Variants in KIAA2012 observed in about 807,000 individuals in gnomAD.
KIAA2012 encodes KIAA2012.
In KIAA2012, 125 loss-of-function variants were observed where a neutral mutation model predicts 150.6. That is an observed-to-expected ratio of 0.83 (90% CI 0.72 to 0.96). The LOEUF is 0.96. Ranked by LOEUF, KIAA2012 falls within the 40% of genes least tolerant of loss-of-function variation. The probability of loss-of-function intolerance (pLI) is 0.00; values close to 1 mark genes in which losing one functional copy is unlikely to be tolerated. For missense variants in KIAA2012, 1,219 were observed against 1,354.9 expected (o/e 0.90, Z 1.57); for synonymous variants, 462 against 504.7 (o/e 0.92, Z 1.13).
chr2:202,103,734 T>C (rs1269379834), intron 8 of KIAA2012, among the ~76,000 whole-genome samples: 1 of 152,250 alleles, frequency 6.6e-6, no homozygotes, highest in Admixed American at 6.5e-5. Flanking sequence ...AGAGATTATG[T>C]GCTTCTAAGC....
chr2:202,190,532 G>A (rs1692310533), intron 19 of KIAA2012, 39 bp downstream of exon 19: 1 of 1,425,054 alleles, frequency 7.0e-7, no homozygotes, highest in South Asian at 1.5e-5. Context: ...AGGAAGTTCT[G>A]TTCTCACTTG....
chr2:202,078,193 T>C (rs190366239), intron 2 of KIAA2012, among the ~76,000 whole-genome samples: 1 of 152,370 alleles, frequency 6.6e-6, no homozygotes, highest in East Asian at 1.9e-4. Flanking sequence ...CAATGGAACA[T>C]TGATCAAATG....
intron 9 of KIAA2012, among the ~76,000 whole-genome samples, chr2:202,107,089 G>A (rs1690215701): frequency 1.3e-5 from 2 of 152,152 alleles, no homozygotes; most frequent in African/African-American, 4.8e-5. Context: ...TGAGAGATAG[G>A]TAGTATGTTT....
At chr2:202,084,918 A>G (rs1689528428) in intron 2 of KIAA2012, among the ~76,000 whole-genome samples, 1 of 152,086 alleles carries the variant, frequency 6.6e-6, no homozygotes, top group Non-Finnish European at 1.5e-5. Context: ...TTTTTCATCT[A>G]TTTTCTTCCA....
intron 13 of KIAA2012, among the ~76,000 whole-genome samples, chr2:202,139,792 G>A (rs1197001211): frequency 3.9e-5 from 6 of 152,186 alleles, no homozygotes; most frequent in Admixed American, 2.6e-4. Context: ...TTGAAAGAGT[G>A]TGTGACTAAG....
At chr2:202,183,476 A>ATTTTTTTTT (rs71406950) in intron 15 of KIAA2012, among the ~76,000 whole-genome samples, 1 of 95,830 alleles carries the variant, frequency 1.0e-5, no homozygotes, top group African/African-American at 4.1e-5. Flanking sequence ...GGTTTTTTAA[A>ATTTTTTTTT]TTTTTTTTTT....
At position 202,188,247 on chromosome 2, in the gene KIAA2012, G is replaced by C. The variant is rs1282293793; in HGVS notation, c.2472G>C (p.Gly824=). ...GCGAGAGAGAAGGAAAGGTCTACGG[G>C]CAAGCAGAGGCTGCCATTGGTAAGA... ...PKSEREGKVY[G]QAEAAIGKSK... Residue 824 remains glycine, a synonymous_variant, in exon 18 of 24, where the codon GGG becomes GGC. Transcript: ENST00000498697. 1.3e-6 allele frequency: 2 copies of C among 1,549,916 alleles called. No homozygotes were observed. The highest frequency in any genetic ancestry group is 2.7e-5 in the African/African-American group (2 of 73,004).
At chr2:202,161,040 C>T (rs372113944) in intron 14 of KIAA2012, among the ~76,000 whole-genome samples, 1 of 152,122 alleles carries the variant, frequency 6.6e-6, no homozygotes, top group African/African-American at 2.4e-5. Flanking sequence ...GGCAGGATGG[C>T]TGGAAGGTTT....
At position 202,201,473 on chromosome 2, in the gene KIAA2012, C is replaced by A. The variant is rs187012434; in HGVS notation, c.3408-956C>A. 6 of 1,598,272 alleles carry A rather than the reference C, an allele frequency of 3.8e-6. No homozygotes were observed. In the African/African-American group the frequency reaches 8.0e-5, roughly 21 times the overall value. On this transcript the variant is annotated intron_variant, in intron 22 of 23. Transcript: ENST00000498697. ...CATTGGCTGCCTGCATGACTGCAAG[C>A]TGAGCAGCACTGGGAGGGCATCCAG...
intron 15 of KIAA2012, chr2:202,179,745 A>G (rs1453256652): frequency 3.1e-6 from 2 of 647,632 alleles, no homozygotes; most frequent in African/African-American, 3.6e-5. Context: ...AGTCAGATCC[A>G]TCTGGAGCTT....
At chr2:202,095,983 C>G in intron 4 of KIAA2012, among the ~76,000 whole-genome samples, 1 of 152,140 alleles carries the variant, frequency 6.6e-6, no homozygotes, top group Non-Finnish European at 1.5e-5. Context: ...ACTCGGGAGG[C>G]TGAGGCAGGA....
chr2:202,173,359 T>C (rs76719610), intron 15 of KIAA2012, among the ~76,000 whole-genome samples: 7,190 of 152,190 alleles, frequency 0.047, 573 homozygotes, highest in African/African-American at 0.16. Context: ...CACCTGAGGC[T>C]GGGACTTCGA....
intron 13 of KIAA2012, among the ~76,000 whole-genome samples, chr2:202,143,061 C>T (rs569847050): frequency 6.9e-6 from 1 of 144,176 alleles, no homozygotes; most frequent in Admixed American, 7.5e-5. Context: ...CTCCAATTGA[C>T]AACCACTGGT....
At chr2:202,179,272 G>A in intron 15 of KIAA2012, 1 of 1,123,778 alleles carries the variant, frequency 8.9e-7, no homozygotes, top group East Asian at 2.8e-5. Flanking sequence ...GTACATACTT[G>A]TGCTTTGGCT....
In KIAA2012 at chr2:202,075,291, C is replaced by T. The variant is rs1689302806; in HGVS notation, c.369+116C>T. 3 of 1,154,978 alleles carry T rather than the reference C, an allele frequency of 2.6e-6. No individual in the cohort carries two copies. The South Asian group carries it at 5.0e-5, about 19-fold the overall frequency. 71.5% of individuals were successfully genotyped at this position (1,154,978 alleles called of 1,614,324 possible). A position where few individuals can be genotyped will look rare whatever the true frequency, so the allele number is the denominator to read the frequency against. ...GGGAAGGTATGAAACTCTCAGAACT[C>T]TATTTCTTCATCTCTAAAATGAGAT... On this transcript the variant is annotated intron_variant, in intron 2 of 23. Transcript: ENST00000498697.
intron 22 of KIAA2012, chr2:202,201,395 G>C: frequency 6.3e-7 from 1 of 1,585,536 alleles, no homozygotes; most frequent in Non-Finnish European, 8.7e-7. Context: ...AGATGGTGTA[G>C]CCACCATCTG....
At chr2:202,081,958 C>G (rs1378736511) in intron 2 of KIAA2012, among the ~76,000 whole-genome samples, 2 of 152,076 alleles carry the variant, frequency 1.3e-5, no homozygotes, top group African/African-American at 4.8e-5. Context: ...GTTACAACAT[C>G]AACACATTAC....
In KIAA2012 at chr2:202,201,444, A is replaced by G. The variant is rs149815228; in HGVS notation, c.3408-985A>G. 1,288 of 1,594,430 alleles carry G rather than the reference A, an allele frequency of 8.1e-4. 8 individuals are homozygous for G. The East Asian group carries it at 8.7e-3, about 11-fold the overall frequency. On this transcript the variant is annotated intron_variant, in intron 22 of 23. Transcript: ENST00000498697. The stretch of plus-strand genomic sequence containing the variant: ...GAAGTTCCCCTTCCACTGAGTTACG[A>G]GGACATTGGCTGCCTGCATGACTGC...
At position 202,194,370 on chromosome 2, in the gene KIAA2012, G is replaced by A. The variant is rs978271957; in HGVS notation, c.3187+8G>A. 5 of 1,549,190 alleles carry A rather than the reference G, an allele frequency of 3.2e-6. No individual in the cohort carries two copies. Among genetic ancestry groups the A allele is most frequent in the East Asian group, 2.4e-5 (1 of 40,902 alleles). On this transcript the variant is annotated splice_region_variant and intron_variant, in intron 21 of 23. Coordinates refer to ENST00000498697, the MANE Select transcript of KIAA2012 (RefSeq NM_001277372.4). ...AGGAAGCCGAGAGGGCCGGTGAGGG[G>A]GTTCTTGAGCTCTTTGCATCTCTCT... is the stretch of plus-strand genomic sequence containing the variant.
Sources: allele counts gnomAD v4.1 joint callset (sites outside exome capture counted in the v4.1 genomes callset), GRCh38; gene constraint gnomAD v4.1.1; transcripts MANE v1.5; gene names NCBI Gene and HGNC (gene_info 2026-07-23, HGNC 2026-07-21).